Variants in RSL1D1 observed in about 807,000 individuals in gnomAD.
The protein encoded by RSL1D1 is ribosomal L1 domain containing 1.
RSL1D1 carries 34 observed loss-of-function variants against 44.6 expected under a neutral mutation model. The ratio of observed to expected loss-of-function variants is 0.76; its 90% CI spans 0.58 to 1.02. The LOEUF (loss-of-function observed/expected upper bound fraction) is 1.02. Ranked by LOEUF, RSL1D1 falls within the 50% of genes least tolerant of loss-of-function variation. The pLI is 0.00. For missense variants in RSL1D1, 767 were observed against 568.1 expected (o/e 1.35, Z -3.56); for synonymous variants, 271 against 207.4 (o/e 1.31, Z -2.63).
At chr16:11,845,769 T>G (rs913313417) in intron 5 of RSL1D1, among the ~76,000 whole-genome samples, 2 of 151,980 alleles carry the variant, frequency 1.3e-5, no homozygotes, top group South Asian at 2.1e-4. Flanking sequence ...TCATTCAGAC[T>G]GGAGAACAGT....
intron 5 of RSL1D1, among the ~76,000 whole-genome samples, chr16:11,844,200 G>C (rs764183747): frequency 1.3e-5 from 2 of 152,230 alleles, no homozygotes; most frequent in Non-Finnish European, 2.9e-5. Flanking sequence ...TGGTGGGGGG[G>C]AAGAAGGGAG....
At chr16:11,840,137 C>A (rs1207465979) in intron 7 of RSL1D1, 152 bp from the exon 8 acceptor site, 2 of 1,219,042 alleles carry the variant, frequency 1.6e-6, no homozygotes, top group Admixed American at 2.3e-5. Context: ...AGCACTGGAA[C>A]CTCAACCGCA....
At position 11,839,885 on chromosome 16, in the gene RSL1D1, T is replaced by A. The variant is rs777317849; in HGVS notation, c.956A>T (p.Asp319Val). ...ARKTASVLSKDDVAPESGDTT... is the reference protein window; with the variant it reads ...ARKTASVLSKVDVAPESGDTT... The stretch of plus-strand genomic sequence containing the variant: ...ATCACCACTTTCAGGTGCCACATCA[T>A]CTTTACTAAGAACTGATGCAGTCTT... Residue 319 changes from aspartate to valine, a missense_variant, in exon 8 of 9, where the codon GAT (aspartate) becomes GTT (valine). Coordinates refer to ENST00000571133, the MANE Select transcript of RSL1D1 (RefSeq NM_015659.3). 6.2e-7 allele frequency: 1 copy of A among 1,614,066 alleles called. No homozygotes were observed. The highest frequency in any genetic ancestry group is 8.5e-7 in the Non-Finnish European group (1 of 1,180,042).
chr16:11,845,856 G>T (rs1182998762), intron 5 of RSL1D1, among the ~76,000 whole-genome samples: 2 of 151,818 alleles, frequency 1.3e-5, no homozygotes, highest in African/African-American at 4.8e-5. Context: ...TGTGTAGCTG[G>T]GAGCACAGGG....
rs1279681497 is a variant in RSL1D1 at position 11,850,413 on chromosome 16, T to A, written c.111A>T (p.Arg37Ser). ...GCGTCAAGAGAGCGTCCACTGCCTT[T>A]CTAACCTGCAAAGTGGAAATTAGAC... Reference protein sequence around the residue: ...ARKQLDKEQVRKAVDALLTHC... With the variant: ...ARKQLDKEQVSKAVDALLTHC... Residue 37 changes from arginine (R) to serine (S), a missense_variant, in exon 2 of 9, where the codon AGA becomes AGT. Arg to Ser is a moderately radical substitution (Grantham distance 110, BLOSUM62 -1). Coordinates refer to ENST00000571133, the MANE Select transcript of RSL1D1 (RefSeq NM_015659.3). The A allele has an allele frequency of 1.3e-6, 2 of 1,592,388 alleles. No individual in the cohort carries two copies. The highest frequency in any genetic ancestry group is 1.7e-6 in the Non-Finnish European group (2 of 1,174,664).
At position 11,839,917 on chromosome 16, in the gene RSL1D1, C is replaced by T. The variant is rs1429548057; in HGVS notation, c.924G>A (p.Gln308=). The T allele has an allele frequency of 1.2e-6, 2 of 1,614,106 alleles. No homozygotes were observed. The highest frequency in any genetic ancestry group is 3.3e-5 in the Admixed American group (2 of 59,998). The stretch of plus-strand genomic sequence containing the variant: ...TAAGAACTGATGCAGTCTTCCTAGC[C>T]TGCTGCCTCTTCTTCTTCCTCTCCT... ...KQKERKKKRQ[Q]ARKTASVLSK... is the part of the protein sequence containing the mutation. The change falls in exon 8 of 9, where the codon CAG becomes CAA. Residue 308 remains glutamine, a synonymous_variant. Transcript: ENST00000571133.
chr16:11,838,264 G>T, intron 8 of RSL1D1, 151 bp from the exon 9 acceptor site: 1 of 639,848 alleles, frequency 1.6e-6, no homozygotes, highest in Non-Finnish European at 2.5e-6. Context: ...CACAATCTCA[G>T]TTCACTGCAA....
Position 11,841,995 on chromosome 16 carries a change from A to G in RSL1D1, c.641T>C (p.Ile214Thr). The part of the protein sequence containing the change: ...NISKSGSCSA[I>T]RIGHVGMQIE... ...TTGCATTCCAACGTGACCAATACGT[A>G]TAGCACTGAAATTTAATATAGTATT... The change falls in exon 6 of 9, where the codon ATA becomes ACA. Residue 214 changes from isoleucine to threonine, a missense_variant. Physicochemically the swap from Ile to Thr is moderately conservative, Grantham distance 89 (BLOSUM62 -1). Transcript: ENST00000571133. 1.2e-6 allele frequency: 2 copies of G among 1,607,622 alleles called. No homozygotes were observed. Among genetic ancestry groups the G allele is most frequent in the Non-Finnish European group, 1.7e-6 (2 of 1,176,718 alleles).
intron 8 of RSL1D1, among the ~76,000 whole-genome samples, chr16:11,838,465 G>T (rs2053737875): frequency 6.6e-6 from 1 of 151,990 alleles, no homozygotes; most frequent in Non-Finnish European, 1.5e-5. Flanking sequence ...GCCCGGCCAA[G>T]TTACTGTTTT....
intron 8 of RSL1D1, among the ~76,000 whole-genome samples, chr16:11,838,806 G>T (rs146163629): frequency 1.4e-5 from 2 of 146,310 alleles, no homozygotes; most frequent in African/African-American, 5.2e-5. Context: ...GCTGTGAGCC[G>T]AGATCATGCC....
rs569627352 is a variant in RSL1D1, at chr16:11,837,701, A to G, written c.*86T>C. ...TTAAGTCCAGGCCTGACGTTTAGAG[A>G]AGGTTACAAAGGCGGCCAGGATCTG... On this transcript the variant is annotated 3_prime_UTR_variant, in exon 9 of 9. Coordinates refer to ENST00000571133, the MANE Select transcript of RSL1D1 (RefSeq NM_015659.3). The G allele has an allele frequency of 1.2e-5, 15 of 1,205,446 alleles. No homozygotes were observed. In the African/African-American group the frequency reaches 1.4e-4, roughly 11 times the overall value. 74.7% of individuals were successfully genotyped at this position (1,205,446 alleles called of 1,614,324 possible).
chr16:11,847,882 C>T (rs759897929), intron 2 of RSL1D1, 76 bp from the exon 3 acceptor site: 59 of 1,408,382 alleles, frequency 4.2e-5, no homozygotes, highest in East Asian at 2.8e-4. Context: ...ACAGAATACG[C>T]GATAAACTTA....
At position 11,846,825 on chromosome 16, in the gene RSL1D1, G is replaced by C; in HGVS notation, c.403C>G (p.Leu135Val). The stretch of plus-strand genomic sequence containing the variant: ...TCATAGGATTTATATTCCTTCTTTA[G>C]AGTTTGGAGGGAGATAATCTAGGAA... ...TVSQIISLQTLKKEYKSYEAK... is the reference protein window; with the variant it reads ...TVSQIISLQTVKKEYKSYEAK... The change falls in exon 4 of 9, where the codon CTA (leucine) becomes GTA (valine). Residue 135 changes from leucine to valine, a missense_variant. Physicochemically the swap from Leu to Val is conservative, Grantham distance 32 (BLOSUM62 1). Transcript: ENST00000571133. The C allele has an allele frequency of 1.2e-6, 2 of 1,610,352 alleles. No individual in the cohort carries two copies. The highest frequency in any genetic ancestry group is 2.2e-5 in the East Asian group (1 of 44,872).
chr16:11,846,380 G>C, intron 5 of RSL1D1, 121 bp downstream of exon 5: 1 of 593,012 alleles, frequency 1.7e-6, no homozygotes, highest in Non-Finnish European at 2.9e-6. Context: ...GGCAGACAGA[G>C]TAAGACTCCA....
chr16:11,839,248 C>T (rs536309160), intron 8 of RSL1D1, among the ~76,000 whole-genome samples: 1 of 152,102 alleles, frequency 6.6e-6, no homozygotes, highest in East Asian at 1.9e-4. Context: ...CGCCTGTAAT[C>T]CCAGCTACTC....
rs1251891137 is a variant in RSL1D1 at position 11,841,733 on chromosome 16, C to T, written c.817G>A (p.Glu273Lys). 1 of 1,613,818 alleles carries T rather than the reference C, an allele frequency of 6.2e-7. No individual in the cohort carries two copies. Among genetic ancestry groups the T allele is most frequent in the East Asian group, 2.2e-5 (1 of 44,866 alleles). Reference protein sequence around the residue: ...IFSSFVSNWDEATKRSLLNKK... With the variant: ...IFSSFVSNWDKATKRSLLNKK... ...TTAAGCAAAGATCTTTTGGTGGCTT[C>T]ATCCCAATTGCTGACAAACGAGGAA... The change falls in exon 7 of 9, where the codon GAA (glutamate) becomes AAA (lysine). Residue 273 changes from glutamate to lysine, a missense_variant. Transcript: ENST00000571133.
chr16:11,847,887 A>C, intron 2 of RSL1D1, 81 bp from the exon 3 acceptor site: 1 of 1,376,352 alleles, frequency 7.3e-7, no homozygotes, highest in Non-Finnish European at 1.0e-6. Flanking sequence ...ATACGCGATA[A>C]ACTTAGTGTT....
Position 11,839,979 on chromosome 16 carries a change from T to C in RSL1D1, c.862A>G (p.Arg288Gly), listed in dbSNP as rs2053753478. The change falls in exon 8 of 9, where the codon AGG (arginine) becomes GGG (glycine). Residue 288 changes from arginine to glycine, a missense_variant. By Grantham distance (125) the Arg-to-Gly change is moderately radical. Coordinates refer to ENST00000571133, the MANE Select transcript of RSL1D1 (RefSeq NM_015659.3). ...SLLNKKKKEARRKRRERNFEK... is the reference protein window; with the variant it reads ...SLLNKKKKEAGRKRRERNFEK... ...AAATTTCTTTCTCTTCGTTTTCTCC[T>C]TGCCTCCTACCAAAAAACACCATAC... 1 of 1,611,400 alleles carries C rather than the reference T, an allele frequency of 6.2e-7. No individual in the cohort carries two copies. Among genetic ancestry groups the C allele is most frequent in the African/African-American group, 1.3e-5 (1 of 74,644 alleles).
chr16:11,839,306 C>T (rs1041743125), intron 8 of RSL1D1, among the ~76,000 whole-genome samples: 4 of 149,756 alleles, frequency 2.7e-5, no homozygotes, highest in African/African-American at 9.9e-5. Context: ...GCGGAGGTTG[C>T]AGTGAGCTGA....
Sources: allele counts gnomAD v4.1 joint callset (sites outside exome capture counted in the v4.1 genomes callset), GRCh38; gene constraint gnomAD v4.1.1; transcripts MANE v1.5; gene names NCBI Gene and HGNC (gene_info 2026-07-23, HGNC 2026-07-21).